The following GRID2 variants were observed in gnomAD, a reference collection of about 807,000 sequenced individuals.
GRID2 encodes the protein glutamate ionotropic receptor delta type subunit 2.
Under a neutral mutation model 114.8 loss-of-function variants are expected in GRID2, and 33 were observed. That is an observed-to-expected ratio of 0.29 (90% CI 0.22 to 0.38). GRID2 has a LOEUF of 0.38. Ranked by LOEUF, GRID2 falls within the 10% of genes least tolerant of loss-of-function variation. The pLI is 1.00. For missense variants in GRID2, 1,184 were observed against 1,257.7 expected (o/e 0.94, Z 0.89); for synonymous variants, 505 against 449.9 (o/e 1.12, Z -1.55).
At chr4:93,406,694 A>G (rs1440444609) in intron 9 of GRID2, among the ~76,000 whole-genome samples, 1 of 152,168 alleles carries the variant, frequency 6.6e-6, no homozygotes, top group East Asian at 1.9e-4. Flanking sequence ...AGTGATCGAT[A>G]GAAATTTAGG....
At position 92,971,204 on chromosome 4, in the gene GRID2, A is replaced by G. The variant is rs569284743; in HGVS notation, c.245-113791A>G. Among the ~76,000 whole-genome samples, 209 of 152,170 alleles carry G rather than the reference A, an allele frequency of 1.4e-3. 1 individual carries two copies. Among genetic ancestry groups the G allele is most frequent in the African/African-American group, 4.8e-3 (201 of 41,530 alleles). ...GCTTTAGAAATAAATCTCTGTAGGG[A>G]GCATTCTCATAATGTGTTCTGTCTT... On this transcript the variant is annotated intron_variant, in intron 2 of 15. Coordinates refer to ENST00000282020, the MANE Select transcript of GRID2 (RefSeq NM_001510.4).
intron 8 of GRID2, among the ~76,000 whole-genome samples, chr4:93,349,212 G>T (rs1309416047): frequency 6.6e-6 from 1 of 152,034 alleles, no homozygotes; most frequent in Non-Finnish European, 1.5e-5. Flanking sequence ...ATTTTCACAT[G>T]AAAATGAAAT....
intron 2 of GRID2, among the ~76,000 whole-genome samples, chr4:92,843,156 C>A (rs547970786): frequency 2.7e-4 from 41 of 151,996 alleles, no homozygotes; most frequent in African/African-American, 8.4e-4. Flanking sequence ...GTGGGAGAAT[C>A]GCTTGAACCA....
intron 2 of GRID2, among the ~76,000 whole-genome samples, chr4:92,845,954 C>T (rs897613811): frequency 9.9e-5 from 15 of 152,044 alleles, no homozygotes; most frequent in Non-Finnish European, 2.2e-4. Flanking sequence ...TATTTTTCCA[C>T]CTGGCTCTTC....
At chr4:92,486,227 A>T (rs1433221459) in intron 1 of GRID2, among the ~76,000 whole-genome samples, 1 of 151,686 alleles carries the variant, frequency 6.6e-6, no homozygotes, top group Non-Finnish European at 1.5e-5. Context: ...GCTGACCGGT[A>T]ATCACCTTTA....
intron 2 of GRID2, among the ~76,000 whole-genome samples, chr4:92,730,628 G>A (rs561045691): frequency 1.6e-4 from 24 of 152,050 alleles, no homozygotes; most frequent in African/African-American, 5.3e-4. Context: ...TAGAAGAGAT[G>A]TCAGGATATT....
Position 92,373,232 on chromosome 4 carries a change from A to G in GRID2, c.88+68488A>G, listed in dbSNP as rs184282352. 5.8e-3 allele frequency among the ~76,000 whole-genome samples: 881 copies of G among 152,294 alleles called. 11 individuals carry two copies. Among genetic ancestry groups the G allele is most frequent in the African/African-American group, 0.02 (827 of 41,558 alleles). ...TCTGATTGGTAAAGAATCAGCACTC[A>G]TTGGTGATAGCCAAGATAGGGGAAG... On this transcript the variant is annotated intron_variant, in intron 1 of 15. Transcript: ENST00000282020.
At chr4:93,156,790 G>T (rs1459643784) in intron 4 of GRID2, among the ~76,000 whole-genome samples, 1 of 151,604 alleles carries the variant, frequency 6.6e-6, no homozygotes, top group African/African-American at 2.4e-5. Context: ...TTCCAGTGTG[G>T]GTTAGGCAGA....
downstream of GRID2, among the ~76,000 whole-genome samples, chr4:93,778,428 G>T (rs368933692): frequency 1.4e-4 from 17 of 119,166 alleles, no homozygotes; most frequent in African/African-American, 5.5e-4. Context: ...ACAGAGTCTC[G>T]CTCTGTCACC....
chr4:92,901,571 T>A (rs1423879387), intron 2 of GRID2, among the ~76,000 whole-genome samples: 1 of 152,196 alleles, frequency 6.6e-6, no homozygotes, highest in African/African-American at 2.4e-5. Flanking sequence ...CCTAGGCCAA[T>A]GTCCAAAAGA....
intron 1 of GRID2, among the ~76,000 whole-genome samples, chr4:92,497,135 CTCTGGTTAAAAAAAAA>C (rs1723428406): frequency 6.6e-6 from 1 of 151,400 alleles, no homozygotes; most frequent in African/African-American, 2.4e-5. Flanking sequence ...GATAACTTTC[CTCTGGTTAAAAAAAAA>C]TCTTTGAGAC....
intron 13 of GRID2, among the ~76,000 whole-genome samples, chr4:93,588,720 C>A (rs1737801114): frequency 6.6e-6 from 1 of 152,208 alleles, no homozygotes; most frequent in Admixed American, 6.5e-5. Flanking sequence ...AGCCCTGCCC[C>A]TTCTCCCAGT....
intron 2 of GRID2, among the ~76,000 whole-genome samples, chr4:93,001,952 A>T (rs1450901148): frequency 4.0e-5 from 6 of 151,370 alleles, no homozygotes; most frequent in Non-Finnish European, 8.9e-5. Context: ...ACATTTTTCA[A>T]TTTTTTTTCA....
intron 2 of GRID2, among the ~76,000 whole-genome samples, chr4:92,978,160 T>C (rs1313831736): frequency 6.6e-6 from 1 of 152,140 alleles, no homozygotes; most frequent in East Asian, 1.9e-4. Context: ...TAAGAAAGGA[T>C]AGCCAAAGGT....
At chr4:92,445,254 C>T (rs911356612) in intron 1 of GRID2, among the ~76,000 whole-genome samples, 3 of 152,144 alleles carry the variant, frequency 2.0e-5, no homozygotes, top group Admixed American at 6.5e-5. Context: ...GTCCCAGACT[C>T]TCTTGCCCTA....
At chr4:93,053,620 G>A (rs1355616043) in intron 2 of GRID2, among the ~76,000 whole-genome samples, 1 of 151,952 alleles carries the variant, frequency 6.6e-6, no homozygotes, top group East Asian at 1.9e-4. Context: ...AGAAAAATTG[G>A]TGTTAAGAGT....
In GRID2 at chr4:93,309,897, G is replaced by A. The variant is rs549266472; in HGVS notation, c.1245+71407G>A. Reference sequence around the variant, plus strand: ...TAAAATTATGTACAATTATTGTGGTGTAATGATAATGATAAAATTGATGGG... The same window carrying A: ...TAAAATTATGTACAATTATTGTGGTATAATGATAATGATAAAATTGATGGG... On this transcript the variant is annotated intron_variant, in intron 8 of 15. Coordinates refer to ENST00000282020, the MANE Select transcript of GRID2 (RefSeq NM_001510.4). Among the ~76,000 whole-genome samples the A allele has an allele frequency of 2.0e-5, 3 of 152,242 alleles. No individual in the cohort carries two copies. The South Asian group carries it at 6.2e-4, about 32-fold the overall frequency.
intron 1 of GRID2, among the ~76,000 whole-genome samples, chr4:92,369,995 C>T (rs1729046512): frequency 6.6e-6 from 1 of 152,030 alleles, no homozygotes. Context: ...CACTTTATTG[C>T]ACTTTACAGT....
intron 1 of GRID2, among the ~76,000 whole-genome samples, chr4:92,557,860 C>T (rs560908636): frequency 7.9e-5 from 12 of 152,134 alleles, no homozygotes; most frequent in South Asian, 2.1e-4. Flanking sequence ...TTTAAGTACA[C>T]GCATGCTTAC....
Sources: allele counts gnomAD v4.1 joint callset (sites outside exome capture counted in the v4.1 genomes callset), GRCh38; gene constraint gnomAD v4.1.1; transcripts MANE v1.5; gene names NCBI Gene and HGNC (gene_info 2026-07-23, HGNC 2026-07-21).